PCDH15: variants seen among roughly 807,000 people sequenced by gnomAD.
PCDH15 encodes the protein protocadherin-15.
A neutral mutation model predicts 178.5 loss-of-function variants in PCDH15; 129 were observed. That is an observed-to-expected ratio of 0.72 (90% CI 0.63 to 0.84). The LOEUF (loss-of-function observed/expected upper bound fraction) is 0.84, where lower values mean the gene tolerates loss of function less well. Ranked by LOEUF, PCDH15 falls within the 40% of genes least tolerant of loss-of-function variation. The probability of loss-of-function intolerance (pLI) is 0.00; values close to 1 mark genes in which losing one functional copy is unlikely to be tolerated. For missense variants in PCDH15, 2,230 were observed against 2,099.9 expected, an observed-to-expected ratio of 1.06 and a Z score of -1.21; for synonymous variants, 800 against 732.0, an observed-to-expected ratio of 1.09 and a Z score of -1.50.
At chr10:54,125,396 C>G (rs2041906508) in intron 15 of PCDH15, among the ~76,000 whole-genome samples, 1 of 152,088 alleles carries the variant, frequency 6.6e-6, no homozygotes, top group Non-Finnish European at 1.5e-5. Flanking sequence ...TCAGTGGACA[C>G]TTTCTGTATA....
At chr10:55,265,984 A>G (rs1386992379) in intron 1 of PCDH15, among the ~76,000 whole-genome samples, 3 of 152,092 alleles carry the variant, frequency 2.0e-5, no homozygotes, top group Non-Finnish European at 2.9e-5. Flanking sequence ...AACAGGGTGC[A>G]CCTATTAACT....
At chr10:54,955,383 T>C (rs2131878704) in intron 2 of PCDH15, among the ~76,000 whole-genome samples, 1 of 151,478 alleles carries the variant, frequency 6.6e-6, no homozygotes, top group South Asian at 2.1e-4. Context: ...AACTTAAAAG[T>C]ATTTTGGTTT....
At chr10:54,997,293 G>C (rs896303751) in intron 2 of PCDH15, among the ~76,000 whole-genome samples, 4 of 152,086 alleles carry the variant, frequency 2.6e-5, no homozygotes, top group Non-Finnish European at 5.9e-5. Context: ...GGATCTTTGT[G>C]TGTGTATATA....
At chr10:54,797,838 G>A (rs1952203500) in intron 1 of PCDH15, among the ~76,000 whole-genome samples, 1 of 151,878 alleles carries the variant, frequency 6.6e-6, no homozygotes, top group African/African-American at 2.4e-5. Flanking sequence ...CTTACTCAGC[G>A]TGACTGACTT....
chr10:55,276,509 G>T (rs1451615080), intron 1 of PCDH15, among the ~76,000 whole-genome samples: 1 of 150,822 alleles, frequency 6.6e-6, no homozygotes, highest in African/African-American at 2.4e-5. Context: ...TTAATGCAAT[G>T]AATTACTTTA....
intron 26 of PCDH15, 86 bp from the exon 27 acceptor site, chr10:53,866,943 G>A (rs892196862): frequency 3.0e-5 from 28 of 941,244 alleles, no homozygotes; most frequent in Non-Finnish European, 4.0e-5. Flanking sequence ...TTGTAAGAAT[G>A]AGGTTTCTTA....
intron 1 of PCDH15, among the ~76,000 whole-genome samples, chr10:55,208,035 TG>T (rs1353431777): frequency 1.3e-5 from 2 of 152,136 alleles, no homozygotes; most frequent in Non-Finnish European, 2.9e-5. Flanking sequence ...TGGGATTTAT[TG>T]TAATGAATGA....
rs564174668 is a variant in PCDH15 at position 55,349,922 on chromosome 10, C to CT, written c.-155-183272dup. Among the ~76,000 whole-genome samples the CT allele has an allele frequency of 5.6e-3, 843 of 151,442 alleles. 10 individuals carry two copies. Among genetic ancestry groups the CT allele is most frequent in the African/African-American group, 0.019 (804 of 41,334 alleles). ...ATTCCAATAACTATATTGTTATCAGCTTTTTTTTACTTCCTTTCTACACTT... is the reference window on the plus strand; with the variant it reads ...ATTCCAATAACTATATTGTTATCAGCTTTTTTTTTACTTCCTTTCTACACTT... On this transcript the variant is annotated intron_variant, in intron 2 of 5. Coordinates refer to the PCDH15 transcript ENST00000613346.
intron 2 of PCDH15, among the ~76,000 whole-genome samples, chr10:55,029,916 C>G (rs1166564909): frequency 1.3e-5 from 2 of 152,124 alleles, no homozygotes; most frequent in Non-Finnish European, 2.9e-5. Context: ...AGAAACTGAA[C>G]TTTCCTAATC....
intron 2 of PCDH15, among the ~76,000 whole-genome samples, chr10:54,994,116 T>A (rs1839577368): frequency 6.6e-6 from 1 of 152,196 alleles, no homozygotes; most frequent in Non-Finnish European, 1.5e-5. Flanking sequence ...CTCTTCAAAA[T>A]TTAAAATTAT....
chr10:54,763,708 A>G (rs1487296526), intron 1 of PCDH15, among the ~76,000 whole-genome samples: 1 of 149,970 alleles, frequency 6.7e-6, no homozygotes, highest in Non-Finnish European at 1.5e-5. Flanking sequence ...ATGTATCAAA[A>G]TATCACATTT....
chr10:54,621,554 T>A (rs1156314881), intron 2 of PCDH15, among the ~76,000 whole-genome samples: 1 of 152,000 alleles, frequency 6.6e-6, no homozygotes, highest in African/African-American at 2.4e-5. Context: ...ATGTCCAAAA[T>A]CCGTGTAATT....
intron 1 of PCDH15, among the ~76,000 whole-genome samples, chr10:54,795,505 C>T (rs1951864918): frequency 6.6e-6 from 1 of 151,826 alleles, no homozygotes; most frequent in Non-Finnish European, 1.5e-5. Flanking sequence ...AAAACCAAAA[C>T]ATCATTTCAG....
chr10:55,105,903 C>T (rs1842662700), intron 2 of PCDH15, among the ~76,000 whole-genome samples: 1 of 152,122 alleles, frequency 6.6e-6, no homozygotes, highest in Admixed American at 6.5e-5. Flanking sequence ...TCCTATGAGC[C>T]TTCAATGACT....
intron 2 of PCDH15, among the ~76,000 whole-genome samples, chr10:55,618,999 T>C (rs1843533977): frequency 6.6e-6 from 1 of 152,054 alleles, no homozygotes; most frequent in Admixed American, 6.6e-5. Context: ...AAATTAAACA[T>C]GTTCATGTGC....
rs185265037 is a variant in PCDH15 at position 55,300,040 on chromosome 10, T to C, written c.-156+19559A>G. ...ATATTAATAAATGCAATATATATAG[T>C]TAGCAAATTTGATTAGACAATTCTC... On this transcript the variant is annotated intron_variant, in intron 1 of 5. Transcript: ENST00000458638. 1.1e-4 allele frequency among the ~76,000 whole-genome samples: 16 copies of C among 152,326 alleles called. No individual in the cohort carries two copies. The East Asian group carries it at 3.1e-3, about 29-fold the overall frequency.
At position 54,122,002 on chromosome 10, in the gene PCDH15, TACACAC is replaced by T. The variant is rs57135050; in HGVS notation, c.1917+10867_1917+10872del. On this transcript the variant is annotated intron_variant, in intron 15 of 37. Transcript: ENST00000644397. ...AATATCTAAACCGGGCAAAGACACA[TACACAC>T]ACACACACACACACACACACACACA... Among the ~76,000 whole-genome samples, 159 of 146,518 alleles carry T rather than the reference TACACAC, an allele frequency of 1.1e-3. 2 individuals are homozygous for T. The highest frequency in any genetic ancestry group is 2.9e-4 in the Non-Finnish European group (19 of 66,394).
At chr10:54,117,305 G>A (rs1177493802) in intron 15 of PCDH15, among the ~76,000 whole-genome samples, 1 of 152,068 alleles carries the variant, frequency 6.6e-6, no homozygotes, top group Non-Finnish European at 1.5e-5. Flanking sequence ...CCTGTGGTTG[G>A]ACCAGATGCA....
At chr10:54,720,972 C>T (rs1941503832) in intron 1 of PCDH15, among the ~76,000 whole-genome samples, 1 of 152,012 alleles carries the variant, frequency 6.6e-6, no homozygotes, top group African/African-American at 2.4e-5. Context: ...TTCTCCTAAA[C>T]CGACCATATG....
Sources: gnomAD v4.1 joint callset for allele counts (sites outside exome capture counted in the v4.1 genomes callset) on GRCh38, gnomAD v4.1.1 for gene constraint, MANE v1.5 for transcripts, NCBI Gene and HGNC (gene_info 2026-07-23, HGNC 2026-07-21) for gene names.